Variants in DDX10 observed in about 807,000 individuals in gnomAD.
DDX10 encodes DEAD-box helicase 10.
Under a neutral mutation model 104.3 loss-of-function variants are expected in DDX10, and 74 were observed. The ratio of observed to expected loss-of-function variants is 0.71; its 90% CI spans 0.59 to 0.86. The LOEUF is 0.86. Among genes scored for constraint, DDX10 ranks in the 40% least tolerant of loss-of-function variants. The probability of loss-of-function intolerance (pLI) is 0.00; values close to 1 mark genes in which losing one functional copy is unlikely to be tolerated. For synonymous variants in DDX10, 351 were observed against 353.4 expected, an observed-to-expected ratio of 0.99 and a Z score of 0.08; for missense variants, 952 against 1,040.0, an observed-to-expected ratio of 0.92 and a Z score of 1.16.
chr11:108,782,706 AC>A (rs1321740516), intron 13 of DDX10, among the ~76,000 whole-genome samples: 1 of 152,076 alleles, frequency 6.6e-6, no homozygotes, highest in African/African-American at 2.4e-5. Context: ...TGCAGTGTCT[AC>A]CAAATGACTA....
intron 9 of DDX10, among the ~76,000 whole-genome samples, chr11:108,706,457 T>C (rs2094276341): frequency 6.6e-6 from 1 of 152,200 alleles, no homozygotes; most frequent in Admixed American, 6.5e-5. Context: ...CCTTGTTATA[T>C]GGGTAGAGAG....
intron 16 of DDX10, among the ~76,000 whole-genome samples, chr11:108,898,521 A>G (rs1056741870): frequency 2.6e-5 from 4 of 152,136 alleles, no homozygotes; most frequent in African/African-American, 7.2e-5. Context: ...ATGACACAGA[A>G]AGACAGAGAC....
At chr11:108,671,168 A>G (rs1262371117) in intron 1 of DDX10, among the ~76,000 whole-genome samples, 1 of 152,070 alleles carries the variant, frequency 6.6e-6, no homozygotes, top group Admixed American at 6.5e-5. Context: ...GGAAGGAGAA[A>G]GAGTTATTTT....
intron 15 of DDX10, among the ~76,000 whole-genome samples, chr11:108,841,728 G>A (rs969881242): frequency 1.3e-5 from 2 of 151,964 alleles, no homozygotes; most frequent in Non-Finnish European, 2.9e-5. Context: ...TAGTGGATTT[G>A]TTGTTATTAT....
chr11:108,775,799 A>G (rs1432706864), intron 13 of DDX10, among the ~76,000 whole-genome samples: 1 of 152,202 alleles, frequency 6.6e-6, no homozygotes, highest in Non-Finnish European at 1.5e-5. Context: ...ACATATTTTA[A>G]GCAAGACCCT....
chr11:108,725,697 T>C (rs1028088417), intron 13 of DDX10, among the ~76,000 whole-genome samples: 1 of 152,148 alleles, frequency 6.6e-6, no homozygotes, highest in Non-Finnish European at 1.5e-5. Context: ...TGAATACATA[T>C]CCTTAATCAG....
intron 9 of DDX10, among the ~76,000 whole-genome samples, chr11:108,700,271 T>A (rs1194124570): frequency 1.3e-5 from 2 of 152,184 alleles, no homozygotes; most frequent in Non-Finnish European, 2.9e-5. Context: ...ATAAACTCAT[T>A]TAGCCCATAG....
At chr11:108,930,622 G>A (rs1009192537) in intron 17 of DDX10, among the ~76,000 whole-genome samples, 9 of 152,178 alleles carry the variant, frequency 5.9e-5, no homozygotes, top group African/African-American at 9.7e-5. Context: ...AGCAATAAAC[G>A]AGAGTTCTTT....
At chr11:108,884,295 C>G (rs1863265058) in intron 16 of DDX10, among the ~76,000 whole-genome samples, 1 of 152,150 alleles carries the variant, frequency 6.6e-6, no homozygotes, top group Non-Finnish European at 1.5e-5. Flanking sequence ...AGGCACAAAC[C>G]TTCCTTTAAC....
chr11:108,819,423 T>C (rs1274969935), intron 13 of DDX10, among the ~76,000 whole-genome samples: 2 of 152,326 alleles, frequency 1.3e-5, no homozygotes, highest in Admixed American at 1.3e-4. Context: ...CAATATAAAT[T>C]GCCTATTTCA....
At chr11:108,665,917 T>A (rs2094209533) in intron 1 of DDX10, among the ~76,000 whole-genome samples, 2 of 152,178 alleles carry the variant, frequency 1.3e-5, no homozygotes, top group Non-Finnish European at 1.5e-5. Flanking sequence ...TCCACAGGCT[T>A]CATGTCCCCA....
At chr11:108,860,237 TATC>T (rs2134612963) in intron 16 of DDX10, among the ~76,000 whole-genome samples, 1 of 152,344 alleles carries the variant, frequency 6.6e-6, no homozygotes, top group East Asian at 1.9e-4. Context: ...ACATATATAT[TATC>T]ATAGCTTAAA....
At chr11:108,895,113 C>A (rs894724715) in intron 16 of DDX10, among the ~76,000 whole-genome samples, 3 of 151,970 alleles carry the variant, frequency 2.0e-5, no homozygotes, top group African/African-American at 7.2e-5. Flanking sequence ...CAAGCTTTGA[C>A]CTGGCTAATT....
rs569387716 is a variant in DDX10 at position 108,839,116 on chromosome 11, G to A, written c.2085+551G>A. ...ATAGGGAAGGGATTACCACTCACAG[G>A]TTACTCATGAAAGTTCATGCTATTA... On this transcript the variant is annotated intron_variant, in intron 14 of 17. Transcript: ENST00000322536. Among the ~76,000 whole-genome samples the A allele has an allele frequency of 7.9e-5, 12 of 152,198 alleles. No homozygotes were observed. In the South Asian group the frequency reaches 2.5e-3, roughly 32 times the overall value.
chr11:108,822,983 T>G (rs1862346911), intron 13 of DDX10, among the ~76,000 whole-genome samples: 1 of 152,044 alleles, frequency 6.6e-6, no homozygotes, highest in Non-Finnish European at 1.5e-5. Flanking sequence ...GGGTTTGGAG[T>G]TCCAGCCCTG....
At chr11:108,685,265 G>A (rs1258755074) in intron 6 of DDX10, among the ~76,000 whole-genome samples, 1 of 151,338 alleles carries the variant, frequency 6.6e-6, no homozygotes, top group Admixed American at 6.6e-5. Flanking sequence ...TCTGAAAAGC[G>A]CAATATTCGG....
intron 10 of DDX10, among the ~76,000 whole-genome samples, chr11:108,709,433 G>A (rs2094281022): frequency 6.6e-6 from 1 of 152,196 alleles, no homozygotes; most frequent in African/African-American, 2.4e-5. Context: ...TTTCTGTTTT[G>A]GAAGGTTATG....
At chr11:108,702,466 A>C (rs934226794) in intron 9 of DDX10, among the ~76,000 whole-genome samples, 8 of 152,212 alleles carry the variant, frequency 5.3e-5, no homozygotes, top group Non-Finnish European at 1.0e-4. Context: ...GTAGGACAAT[A>C]GTGGGAAGGA....
At chr11:108,801,933 C>CTGTTCTAGTAAGCCTATT (rs1206005796) in intron 13 of DDX10, among the ~76,000 whole-genome samples, 1 of 151,524 alleles carries the variant, frequency 6.6e-6, no homozygotes, top group Non-Finnish European at 1.5e-5. Flanking sequence ...CAACATAGCA[C>CTGTTCTAGTAAGCCTATT]TGTTCTAGTA....
Sources: allele counts gnomAD v4.1 joint callset (sites outside exome capture counted in the v4.1 genomes callset), GRCh38; gene constraint gnomAD v4.1.1; transcripts MANE v1.5; gene names NCBI Gene and HGNC (gene_info 2026-07-23, HGNC 2026-07-21).